APOLD1: variants seen among roughly 807,000 people sequenced by gnomAD.
APOLD1 encodes the protein apolipoprotein L domain-containing protein 1.
Under a neutral mutation model 15.3 loss-of-function variants are expected in APOLD1, and 22 were observed. That is an observed-to-expected ratio of 1.44 (90% CI 1.03 to 2.05). APOLD1 has a LOEUF of 2.05. APOLD1 is among the 30% of genes most tolerant of loss of function. APOLD1 has a pLI of 0.00. For missense variants in APOLD1, 394 were observed against 353.5 expected (o/e 1.11, Z -0.92); for synonymous variants, 190 against 167.4 (o/e 1.13, Z -1.04).
chr12:12,730,189 C>T (rs1358365669), intron 1 of APOLD1, among the ~76,000 whole-genome samples: 1 of 151,842 alleles, frequency 6.6e-6, no homozygotes, highest in African/African-American at 2.4e-5. Context: ...GCTGAAATTA[C>T]AGGCATGAGC....
intron 1 of APOLD1, among the ~76,000 whole-genome samples, chr12:12,773,210 A>C (rs958323089): frequency 6.6e-6 from 1 of 152,256 alleles, no homozygotes; most frequent in African/African-American, 2.4e-5. Flanking sequence ...TCTAAAAATC[A>C]ATAATCTAAG....
intron 1 of APOLD1, among the ~76,000 whole-genome samples, chr12:12,766,336 C>T (rs1042672736): frequency 2.0e-5 from 3 of 151,582 alleles, no homozygotes; most frequent in African/African-American, 7.3e-5. Flanking sequence ...AATATAGTAC[C>T]AAGATACTGG....
In APOLD1 at chr12:12,749,089, T is replaced by C. The variant is rs564211331; in HGVS notation, c.96+22993T>C. Among the ~76,000 whole-genome samples the C allele has an allele frequency of 7.9e-5, 12 of 152,154 alleles. No individual in the cohort carries two copies. In the South Asian group the frequency reaches 2.3e-3, roughly 29 times the overall value. On this transcript the variant is annotated intron_variant, in intron 1 of 1. Transcript: ENST00000326765. ...ATGGGGTCTGTACTCTTGGCATTGA[T>C]CAAGTGGCATTTTGGTGAGGCTGCA...
At chr12:12,773,754 G>A (rs1411739660) in intron 1 of APOLD1, among the ~76,000 whole-genome samples, 3 of 152,090 alleles carry the variant, frequency 2.0e-5, no homozygotes, top group Admixed American at 6.5e-5. Context: ...AAAACAGACC[G>A]ATAGAATAGA....
At chr12:12,749,113 C>T (rs115503400) in intron 1 of APOLD1, among the ~76,000 whole-genome samples, 4,258 of 152,068 alleles carry the variant, frequency 0.028, 181 homozygotes, top group African/African-American at 0.097. Context: ...GGTGAGGCTG[C>T]AGTCTCTGCA....
chr12:12,775,371 A>G (rs998537034), intron 1 of APOLD1, among the ~76,000 whole-genome samples: 6 of 152,178 alleles, frequency 3.9e-5, no homozygotes, highest in Non-Finnish European at 8.8e-5. Flanking sequence ...GTAATGGTGG[A>G]TACATGTCAT....
intron 1 of APOLD1, among the ~76,000 whole-genome samples, chr12:12,772,529 TA>T (rs1468687286): frequency 2.0e-5 from 3 of 152,198 alleles, no homozygotes; most frequent in African/African-American, 7.2e-5. Flanking sequence ...ATGAATCCAC[TA>T]TTATAACTGG....
upstream of APOLD1, among the ~76,000 whole-genome samples, chr12:12,784,877 T>C (rs1296818122): frequency 6.6e-6 from 1 of 152,230 alleles, no homozygotes; most frequent in Admixed American, 6.5e-5. Flanking sequence ...CCATGCCTCA[T>C]GACCCTGTAG....
chr12:12,787,087 CGCTG>C lies in APOLD1; in HGVS notation c.183_186del (p.Leu62AlafsTer47). The stretch of plus-strand genomic sequence containing the variant: ...CTCGTAGCCAACGTGGCCGGCAGCT[CGCTG>C]AGCGCAACGGGCGCCCTCGCCGCCA... On this transcript the variant is annotated frameshift_variant, in exon 2 of 2. Transcript: ENST00000356591. LOFTEE classifies it high-confidence loss of function. The surrounding 1 kb of genome is among the most constrained non-coding windows in gnomAD (Gnocchi z 4.9). 7.1e-7 allele frequency: 1 copy of C among 1,401,096 alleles called. No individual in the cohort carries two copies. The highest frequency in any genetic ancestry group is 9.2e-7 in the Non-Finnish European group (1 of 1,088,356). The allele number at this position is 1,401,096 out of a possible 1,614,324, so 86.8% of individuals were successfully genotyped here. A position where few individuals can be genotyped will look rare whatever the true frequency, so the allele number is the denominator to read the frequency against.
intron 1 of APOLD1, among the ~76,000 whole-genome samples, chr12:12,771,068 G>T (rs1946983677): frequency 6.6e-6 from 1 of 152,116 alleles, no homozygotes; most frequent in Non-Finnish European, 1.5e-5. Context: ...AAAATTGGGG[G>T]AATTTGTTGC....
chr12:12,765,768 G>T (rs115928267), intron 1 of APOLD1, among the ~76,000 whole-genome samples: 1 of 152,192 alleles, frequency 6.6e-6, no homozygotes, highest in Non-Finnish European at 1.5e-5. Flanking sequence ...TTCTCAGGAG[G>T]CTGAGGTATT....
At chr12:12,732,239 C>G (rs76365233) in intron 1 of APOLD1, among the ~76,000 whole-genome samples, 9,176 of 152,232 alleles carry the variant, frequency 0.06, 404 homozygotes, top group Non-Finnish European at 0.09. Context: ...TAGGTTACAG[C>G]TAACCGTTTG....
intron 1 of APOLD1, among the ~76,000 whole-genome samples, chr12:12,767,504 T>C (rs184007233): frequency 1.3e-4 from 20 of 151,820 alleles, no homozygotes; most frequent in Admixed American, 1.0e-3. Context: ...CTACTAAAAA[T>C]AGAAAAATTA....
At chr12:12,781,398 C>A (rs533479500), upstream of APOLD1, among the ~76,000 whole-genome samples, 4 of 152,090 alleles carry the variant, frequency 2.6e-5, no homozygotes, top group South Asian at 4.2e-4. Context: ...AGGCTGAGAT[C>A]GCGTCATTGC....
In APOLD1 at chr12:12,787,570, C is replaced by G. The variant is rs1353958614; in HGVS notation, c.665C>G (p.Ser222Cys). The G allele has an allele frequency of 6.2e-6, 10 of 1,613,150 alleles. No individual in the cohort carries two copies. The South Asian group carries it at 1.1e-4, about 18-fold the overall frequency. Reference sequence around the variant, plus strand: ...GACGAACTCAGCGAGCAGCTGGAGTCTCGGGTTCAGCTCTGCACCAAGTCC... The same window carrying G: ...GACGAACTCAGCGAGCAGCTGGAGTGTCGGGTTCAGCTCTGCACCAAGTCC... The part of the protein sequence containing the change: ...ALDELSEQLE[S>C]RVQLCTKSSR... Residue 222 changes from serine to cysteine, a missense_variant, in exon 2 of 2, where the codon TCT becomes TGT. Transcript: ENST00000356591. The surrounding 1 kb of genome is among the most constrained non-coding windows in gnomAD (Gnocchi z 4.9).
At chr12:12,733,745 G>T (rs757375032) in intron 1 of APOLD1, among the ~76,000 whole-genome samples, 1 of 152,126 alleles carries the variant, frequency 6.6e-6, no homozygotes, top group East Asian at 1.9e-4. Flanking sequence ...TGGGATTACA[G>T]ATGAGTGCCA....
chr12:12,729,241 A>T (rs924356284), intron 1 of APOLD1, among the ~76,000 whole-genome samples: 2 of 152,078 alleles, frequency 1.3e-5, no homozygotes, highest in African/African-American at 4.8e-5. Flanking sequence ...ATTAAAAAAA[A>T]AAATAAAGTG....
intron 1 of APOLD1, among the ~76,000 whole-genome samples, chr12:12,769,877 C>T (rs978667611): frequency 6.6e-6 from 1 of 152,138 alleles, no homozygotes; most frequent in Non-Finnish European, 1.5e-5. Flanking sequence ...TAGAATGCTT[C>T]CTTTCCCTCC....
At chr12:12,782,347 C>T (rs573344438), upstream of APOLD1, among the ~76,000 whole-genome samples, 7 of 152,276 alleles carry the variant, frequency 4.6e-5, no homozygotes, top group Admixed American at 6.5e-5. Context: ...GTAGGAATCA[C>T]CTGTATTCTC....
Sources: allele counts gnomAD v4.1 joint callset (sites outside exome capture counted in the v4.1 genomes callset), GRCh38; gene constraint gnomAD v4.1.1; non-coding constraint Gnocchi (gnomAD v3.1); transcripts MANE v1.5; gene names NCBI Gene and HGNC (gene_info 2026-07-23, HGNC 2026-07-21).